The following HOXB3 variants were observed in gnomAD, a reference collection of about 807,000 sequenced individuals.
HOXB3 encodes homeobox B3, also known as homeobox protein Hox-B3.
A neutral mutation model predicts 29.2 loss-of-function variants in HOXB3; 17 were observed. The ratio of observed to expected loss-of-function variants is 0.58; its 90% CI spans 0.40 to 0.87. HOXB3 has a LOEUF of 0.87. Among genes scored for constraint, HOXB3 ranks in the 40% least tolerant of loss-of-function variants. The probability of loss-of-function intolerance (pLI) is 0.00; values close to 1 mark genes in which losing one functional copy is unlikely to be tolerated. For missense variants in HOXB3, 637 were observed against 616.3 expected, an observed-to-expected ratio of 1.03 and a Z score of -0.35; for synonymous variants, 317 against 285.9, an observed-to-expected ratio of 1.11 and a Z score of -1.10.
At chr17:48,568,583 G>A (rs896627074) in intron 2 of HOXB3, among the ~76,000 whole-genome samples, 4 of 151,862 alleles carry the variant, frequency 2.6e-5, no homozygotes, top group African/African-American at 7.3e-5. Context: ...ATGATTTATC[G>A]AAGACATGGC....
At chr17:48,576,650 T>TAC in intron 1 of HOXB3, 1 of 567,766 alleles carries the variant, frequency 1.8e-6, no homozygotes, top group Non-Finnish European at 2.6e-6. Flanking sequence ...CCCCCTCCTG[T>TAC]CCCCCCACCC....
chr17:48,551,934 G>T, intron 4 of HOXB3, 93 bp downstream of exon 4: 1 of 1,216,904 alleles, frequency 8.2e-7, no homozygotes, highest in Non-Finnish European at 1.2e-6. Context: ...TTCCCAGGCA[G>T]CCTCGCGGGC....
At chr17:48,568,526 G>T (rs905418532) in intron 2 of HOXB3, among the ~76,000 whole-genome samples, 1 of 151,898 alleles carries the variant, frequency 6.6e-6, no homozygotes, top group Non-Finnish European at 1.5e-5. Context: ...ACTCTCTCCC[G>T]GCCGGCCGCA....
chr17:48,557,833 G>C (rs1381849009), intron 2 of HOXB3, among the ~76,000 whole-genome samples: 1 of 152,172 alleles, frequency 6.6e-6, no homozygotes, highest in Non-Finnish European at 1.5e-5. Flanking sequence ...TGGGGCTCAA[G>C]CCAGCCTGGA....
Position 48,554,346 on chromosome 17 carries a change from T to G in HOXB3, c.-159+1185A>C. The stretch of plus-strand genomic sequence containing the variant: ...GTTACAGCAATAATAATGATGACGA[T>G]GATGATGATAGTAATAATAATAAAA... On this transcript the variant is annotated intron_variant, in intron 3 of 4. Coordinates refer to ENST00000498678, the MANE Select transcript of HOXB3 (RefSeq NM_001384749.1). This position sits in a 1 kb window ranked among gnomAD's most constrained non-coding sequence, Gnocchi z 4.1. 2 of 388,014 alleles carry G rather than the reference T, an allele frequency of 5.2e-6. No individual in the cohort carries two copies. The highest frequency in any genetic ancestry group is 9.4e-6 in the Non-Finnish European group (2 of 213,016). The allele number at this position is 388,014 out of a possible 1,614,324, so 24.0% of individuals were successfully genotyped here. A position where few individuals can be genotyped will look rare whatever the true frequency, so the allele number is the denominator to read the frequency against.
chr17:48,552,001 G>C (rs2068769528), intron 4 of HOXB3, 26 bp downstream of exon 4: 1 of 1,536,000 alleles, frequency 6.5e-7, no homozygotes, highest in South Asian at 1.3e-5. Context: ...CAAAAGCTGA[G>C]GACAAGGAAG....
Position 48,551,123 on chromosome 17 carries a change from C to A in HOXB3, c.507G>T (p.Gly169=), listed in dbSNP as rs544041703. The change falls in exon 5 of 5, where the codon GGG becomes GGT. Residue 169 remains glycine, a synonymous_variant. Coordinates refer to ENST00000498678, the MANE Select transcript of HOXB3 (RefSeq NM_001384749.1). ...CTCCCCCGCCGCCGCCGCCACCGCC[C>A]CCGCTGCCACCACTGCCTCCGCCGC... ...GGGGGGSGGS[G]GGGGGGGGGD... 910 of 1,346,030 alleles carry A rather than the reference C, an allele frequency of 6.8e-4. 5 individuals carry two copies. The African/African-American group carries it at 0.013, about 19-fold the overall frequency. 83.4% of individuals were successfully genotyped at this position (1,346,030 alleles called of 1,614,324 possible). A position where few individuals can be genotyped will look rare whatever the true frequency, so the allele number is the denominator to read the frequency against.
intron 2 of HOXB3, among the ~76,000 whole-genome samples, chr17:48,565,432 T>TC (rs944622783): frequency 5.3e-5 from 8 of 152,308 alleles, no homozygotes; most frequent in African/African-American, 1.9e-4. Flanking sequence ...TGGAGGGGCT[T>TC]CCCTCTGTGC....
rs575523427 is a variant in HOXB3, at chr17:48,552,574, C to A, written c.-100G>T. ...TGGGGGTCACGTGACACGCCGGACC[C>A]CCCCCCCCCACCTCCCCTCTCTGCC... On this transcript the variant is annotated 5_prime_UTR_variant, in exon 4 of 5. Transcript: ENST00000498678. The A allele has an allele frequency of 2.6e-6, 2 of 780,478 alleles. No individual in the cohort carries two copies. Among genetic ancestry groups the A allele is most frequent in the South Asian group, 2.0e-5 (1 of 50,380 alleles). 48.3% of individuals were successfully genotyped at this position (780,478 alleles called of 1,614,324 possible). A position where few individuals can be genotyped will look rare whatever the true frequency, so the allele number is the denominator to read the frequency against.
intron 2 of HOXB3, among the ~76,000 whole-genome samples, chr17:48,557,606 A>G (rs2069038156): frequency 6.6e-6 from 1 of 152,154 alleles, no homozygotes; most frequent in Non-Finnish European, 1.5e-5. Context: ...CTCCAGCAAC[A>G]GAAGCCACTT....
chr17:48,568,173 G>A (rs2069451252), intron 2 of HOXB3, among the ~76,000 whole-genome samples: 1 of 152,128 alleles, frequency 6.6e-6, no homozygotes, highest in Non-Finnish European at 1.5e-5. Flanking sequence ...CTTCAGAGTT[G>A]GGTTTGTTCA....
At chr17:48,564,250 G>A (rs2069303582) in intron 2 of HOXB3, among the ~76,000 whole-genome samples, 4 of 151,642 alleles carry the variant, frequency 2.6e-5, no homozygotes, top group Admixed American at 2.6e-4. Context: ...GCAACGGCGG[G>A]CGGCCGGGCG....
At chr17:48,552,679 T>C in intron 3 of HOXB3, 47 bp from the exon 4 acceptor site, 1 of 503,048 alleles carries the variant, frequency 2.0e-6, no homozygotes, top group Non-Finnish European at 3.5e-6. Flanking sequence ...GGACTGGGGC[T>C]CGAATCCATC....
At chr17:48,585,016 A>G (rs181451244) in intron 1 of HOXB3, among the ~76,000 whole-genome samples, 2 of 151,162 alleles carry the variant, frequency 1.3e-5, no homozygotes, top group East Asian at 3.9e-4. Flanking sequence ...CTCCGGCAAT[A>G]ACACTGGCCT....
chr17:48,569,425 C>A (rs1006265428), intron 2 of HOXB3, among the ~76,000 whole-genome samples: 1 of 152,116 alleles, frequency 6.6e-6, no homozygotes, highest in East Asian at 1.9e-4. Flanking sequence ...CCACAGCCCA[C>A]CTCTCCTCTC....
rs1318829577 is a variant in HOXB3, at chr17:48,555,551, G to C, written c.-179C>G. The C allele has an allele frequency of 1.4e-6, 1 of 702,744 alleles. No homozygotes were observed. The highest frequency in any genetic ancestry group is 2.0e-5 in the Admixed American group (1 of 50,008). The allele number at this position is 702,744 out of a possible 1,614,324, so 43.5% of individuals were successfully genotyped here. A position where few individuals can be genotyped will look rare whatever the true frequency, so the allele number is the denominator to read the frequency against. ...CTTACCTTAGCCACCGACGAGGGGA[G>C]AACAGGCAGACATAATATATATTCA... On this transcript the variant is annotated 5_prime_UTR_variant, in exon 3 of 5. Coordinates refer to ENST00000498678, the MANE Select transcript of HOXB3 (RefSeq NM_001384749.1).
At chr17:48,565,426 G>A (rs957598781) in intron 2 of HOXB3, among the ~76,000 whole-genome samples, 6 of 152,244 alleles carry the variant, frequency 3.9e-5, no homozygotes, top group African/African-American at 1.4e-4. Context: ...GGAGCCTGGA[G>A]GGGCTTCCCT....
chr17:48,551,087 G>T lies in HOXB3; in HGVS notation c.543C>A (p.Ser181Arg). ...GGGGGGGGDK[S>R]PPGSAASKRA... ...GCTTGGACGCCGCCGACCCCGGGGG[G>T]CTCTTGTCCCCTCCCCCGCCGCCGC... The change falls in exon 5 of 5, where the codon AGC (serine) becomes AGA (arginine). Residue 181 changes from serine (S) to arginine (R), a missense_variant. Physicochemically the swap from Ser to Arg is moderately radical, Grantham distance 110. Transcript: ENST00000498678. 1 of 1,457,286 alleles carries T rather than the reference G, an allele frequency of 6.9e-7. No individual in the cohort carries two copies. Among genetic ancestry groups the T allele is most frequent in the Non-Finnish European group, 9.1e-7 (1 of 1,100,028 alleles). The allele number at this position is 1,457,286 out of a possible 1,614,324, so 90.3% of individuals were successfully genotyped here. A position where few individuals can be genotyped will look rare whatever the true frequency, so the allele number is the denominator to read the frequency against.
At chr17:48,564,514 T>C (rs2069322067) in intron 2 of HOXB3, among the ~76,000 whole-genome samples, 1 of 151,886 alleles carries the variant, frequency 6.6e-6, no homozygotes. Flanking sequence ...CAGACGCCAG[T>C]TTCCTGAGAA....
Sources: gnomAD v4.1 joint callset for allele counts (sites outside exome capture counted in the v4.1 genomes callset) on GRCh38, gnomAD v4.1.1 for gene constraint, Gnocchi (gnomAD v3.1) non-coding constraint, MANE v1.5 for transcripts, NCBI Gene and HGNC (gene_info 2026-07-23, HGNC 2026-07-21) for gene names.